The following APBB2 variants were observed in gnomAD, a reference collection of about 807,000 sequenced individuals.
The protein encoded by APBB2 is Fe65-like 1.
In APBB2, 38 loss-of-function variants were observed where a neutral mutation model predicts 82.5. The observed-to-expected ratio is 0.46, with a 90% CI of 0.36 to 0.60. The LOEUF is 0.60. Among genes scored for constraint, APBB2 ranks in the 20% least tolerant of loss-of-function variants. The pLI, the probability that APBB2 is intolerant of heterozygous loss-of-function variation, is 0.00. For missense variants in APBB2, 772 were observed against 972.3 expected, an observed-to-expected ratio of 0.79 and a Z score of 2.74; for synonymous variants, 341 against 368.2, an observed-to-expected ratio of 0.93 and a Z score of 0.85.
intron 12 of APBB2, among the ~76,000 whole-genome samples, chr4:40,844,230 T>C (rs1189608808): frequency 6.6e-6 from 1 of 152,174 alleles, no homozygotes; most frequent in Non-Finnish European, 1.5e-5. Context: ...CCAACATAGA[T>C]TTCCAGGGCC....
At chr4:41,210,883 C>T (rs76442534) in intron 1 of APBB2, among the ~76,000 whole-genome samples, 2,053 of 152,296 alleles carry the variant, frequency 0.013, 49 homozygotes, top group African/African-American at 0.047. Flanking sequence ...TTTTCTTAGA[C>T]AGCTGACATT....
intron 6 of APBB2, among the ~76,000 whole-genome samples, chr4:41,000,915 C>T (rs2154419639): frequency 6.6e-6 from 1 of 152,112 alleles, no homozygotes; most frequent in South Asian, 2.1e-4. Flanking sequence ...AGACGAAAGC[C>T]ACTTTGAAAT....
At chr4:41,119,117 T>TG (rs1178320062) in intron 2 of APBB2, among the ~76,000 whole-genome samples, 1 of 149,928 alleles carries the variant, frequency 6.7e-6, no homozygotes, top group Non-Finnish European at 1.5e-5. Flanking sequence ...CCAGCCTGGG[T>TG]GACAGAGTGA....
chr4:40,889,173 C>T (rs1399721329), intron 12 of APBB2, among the ~76,000 whole-genome samples: 18 of 152,226 alleles, frequency 1.2e-4, no homozygotes, highest in Admixed American at 1.2e-3. Flanking sequence ...GAAGGCTTAT[C>T]CAATTGGCAG....
chr4:40,862,936 A>G (rs1054109980), intron 12 of APBB2, among the ~76,000 whole-genome samples: 15 of 151,802 alleles, frequency 9.9e-5, no homozygotes, highest in African/African-American at 2.9e-4. Flanking sequence ...CTTTTTTTAC[A>G]TAAGCACCGT....
In APBB2 at chr4:40,866,876, C is replaced by T. The variant is rs531051445; in HGVS notation, c.1529+23488G>A. Among the ~76,000 whole-genome samples the T allele has an allele frequency of 2.6e-5, 4 of 152,216 alleles. No homozygotes were observed. In the South Asian group the frequency reaches 8.3e-4, roughly 32 times the overall value. On this transcript the variant is annotated intron_variant, in intron 12 of 17. Transcript: ENST00000508593. ...AGGATTACAGGTGTGCGCCACCATG[C>T]CTGGCTAATTTTTTGTATTTTTAGT...
intron 12 of APBB2, among the ~76,000 whole-genome samples, chr4:40,889,732 G>A (rs1237234483): frequency 6.6e-6 from 1 of 152,092 alleles, no homozygotes; most frequent in East Asian, 1.9e-4. Context: ...AATCATCCTG[G>A]AGAACATAAA....
At chr4:41,156,452 T>G (rs963798410) in intron 1 of APBB2, among the ~76,000 whole-genome samples, 2 of 152,236 alleles carry the variant, frequency 1.3e-5, no homozygotes, top group Non-Finnish European at 2.9e-5. Flanking sequence ...CGAGTATCGA[T>G]AGCCAGTCCA....
chr4:41,211,675 G>T (rs1290836805), intron 1 of APBB2, among the ~76,000 whole-genome samples: 1 of 151,858 alleles, frequency 6.6e-6, no homozygotes, highest in African/African-American at 2.4e-5. Context: ...AGAGACGGGG[G>T]TTTTACCTCT....
chr4:40,955,407 T>C (rs1011007511), intron 6 of APBB2, among the ~76,000 whole-genome samples: 2 of 152,268 alleles, frequency 1.3e-5, no homozygotes, highest in Admixed American at 1.3e-4. Flanking sequence ...AGATTCATCC[T>C]TTATGCAAAG....
chr4:40,911,884 C>T (rs1485015211), intron 10 of APBB2, among the ~76,000 whole-genome samples: 1 of 152,132 alleles, frequency 6.6e-6, no homozygotes, highest in Non-Finnish European at 1.5e-5. Context: ...ATGACATCAC[C>T]TCCCTCCTCC....
intron 6 of APBB2, among the ~76,000 whole-genome samples, chr4:41,000,059 A>ATGTGTG (rs1307419146): frequency 4.9e-4 from 46 of 92,952 alleles, no homozygotes; most frequent in East Asian, 4.2e-3. Context: ...ATATGTATAT[A>ATGTGTG]TATGTGTGTA....
At chr4:40,931,888 G>A (rs1205454034) in intron 10 of APBB2, among the ~76,000 whole-genome samples, 3 of 151,730 alleles carry the variant, frequency 2.0e-5, no homozygotes, top group African/African-American at 7.3e-5. Flanking sequence ...TACAATGCAT[G>A]TATTTTTTGT....
intron 1 of APBB2, among the ~76,000 whole-genome samples, chr4:41,210,740 T>C (rs530312156): frequency 3.9e-5 from 6 of 152,274 alleles, no homozygotes; most frequent in Admixed American, 3.9e-4. Context: ...TAATTCTAAA[T>C]AACAAATCAA....
chr4:40,847,052 C>T (rs890108484), intron 12 of APBB2, among the ~76,000 whole-genome samples: 1 of 152,104 alleles, frequency 6.6e-6, no homozygotes. Context: ...ACACCATGTT[C>T]CAGTTTCAAC....
At chr4:41,093,969 A>C (rs1374643281) in intron 3 of APBB2, among the ~76,000 whole-genome samples, 1 of 152,178 alleles carries the variant, frequency 6.6e-6, no homozygotes, top group Admixed American at 6.5e-5. Context: ...TGTTGTCTAA[A>C]TCTGACTCCA....
intron 1 of APBB2, among the ~76,000 whole-genome samples, chr4:41,185,217 A>G (rs139619385): frequency 7.2e-5 from 11 of 152,366 alleles, no homozygotes; most frequent in Non-Finnish European, 1.5e-4. Flanking sequence ...GCATCTTAAT[A>G]TGGTTATTAT....
At chr4:41,008,286 C>A (rs1045122579) in intron 6 of APBB2, among the ~76,000 whole-genome samples, 1 of 152,194 alleles carries the variant, frequency 6.6e-6, no homozygotes, top group Non-Finnish European at 1.5e-5. Flanking sequence ...TCCCCAGTAA[C>A]TCGGGTTATT....
At chr4:40,961,426 T>C (rs1270201574) in intron 6 of APBB2, among the ~76,000 whole-genome samples, 1 of 132,380 alleles carries the variant, frequency 7.6e-6, no homozygotes, top group African/African-American at 2.9e-5. Flanking sequence ...TTCTCACTCA[T>C]AGGTGGGAAT....
Sources: gnomAD v4.1 joint callset for allele counts (sites outside exome capture counted in the v4.1 genomes callset) on GRCh38, gnomAD v4.1.1 for gene constraint, MANE v1.5 for transcripts, NCBI Gene and HGNC (gene_info 2026-07-23, HGNC 2026-07-21) for gene names.